Variants in COL5A2 observed in about 807,000 individuals in gnomAD.
COL5A2 encodes the protein collagen type V alpha 2 chain.
In COL5A2, 23 loss-of-function variants were observed where a neutral mutation model predicts 208.2. That is an observed-to-expected ratio of 0.11 (90% CI 0.08 to 0.16). The LOEUF (loss-of-function observed/expected upper bound fraction) is 0.16. Ranked by LOEUF, COL5A2 falls within the 10% of genes least tolerant of loss-of-function variation. The pLI is 1.00. For missense variants in COL5A2, 1,590 were observed against 1,956.4 expected, an observed-to-expected ratio of 0.81 and a Z score of 3.53; for synonymous variants, 625 against 628.5, an observed-to-expected ratio of 0.99 and a Z score of 0.08.
intron 1 of COL5A2, among the ~76,000 whole-genome samples, chr2:189,217,592 C>T (rs1689295455): frequency 6.6e-6 from 1 of 152,068 alleles, no homozygotes; most frequent in African/African-American, 2.4e-5. Context: ...AGAAATGCTC[C>T]TACCCATTTT....
chr2:189,327,503 T>C, the COL5A2 span, among the ~76,000 whole-genome samples: 3 of 152,066 alleles, frequency 2.0e-5, no homozygotes, highest in Non-Finnish European at 4.4e-5. Context: ...CTTAGGTAAC[T>C]GAAGAAGAAT....
At chr2:189,240,255 G>A in the COL5A2 span, among the ~76,000 whole-genome samples, 25 of 152,264 alleles carry the variant, frequency 1.6e-4, no homozygotes, top group Middle Eastern at 3.4e-3. Flanking sequence ...TGGCTGGGAA[G>A]ATGAAGATCA....
At chr2:189,247,364 A>T in the COL5A2 span, among the ~76,000 whole-genome samples, 1 of 152,124 alleles carries the variant, frequency 6.6e-6, no homozygotes, top group Non-Finnish European at 1.5e-5. Context: ...TCCCCAAAAG[A>T]AGCCCTGTGG....
the COL5A2 span, among the ~76,000 whole-genome samples, chr2:189,409,331 C>T: frequency 2.5e-4 from 38 of 150,920 alleles, no homozygotes; most frequent in African/African-American, 9.0e-4. Flanking sequence ...TCCAACTCAG[C>T]CTCCTGAGTA....
At chr2:189,379,266 G>A in the COL5A2 span, among the ~76,000 whole-genome samples, 2 of 152,204 alleles carry the variant, frequency 1.3e-5, no homozygotes, top group African/African-American at 2.4e-5. Context: ...AAAAAATGAG[G>A]AGTAAATGAT....
In COL5A2 at chr2:189,048,256, C is replaced by A. The variant is rs773078129; in HGVS notation, c.3154G>T (p.Ala1052Ser). 3 of 1,613,816 alleles carry A rather than the reference C, an allele frequency of 1.9e-6. No homozygotes were observed. The highest frequency in any genetic ancestry group is 2.7e-5 in the African/African-American group (2 of 74,922). ...CGTCCTGGGGTACCATCATTGCCAGCTGGACCCTATAAAGAATAATGGTTT... is the reference window on the plus strand; with the variant it reads ...CGTCCTGGGGTACCATCATTGCCAGATGGACCCTATAAAGAATAATGGTTT... ...PVGEPGPEGP[A>S]GNDGTPGRDG... The change falls in exon 45 of 54, where the codon GCT (alanine) becomes TCT (serine). Residue 1052 changes from alanine (A) to serine (S), a missense_variant. By Grantham distance (99) the Ala-to-Ser change is moderately conservative. Coordinates refer to ENST00000374866, the MANE Select transcript of COL5A2 (RefSeq NM_000393.5).
At chr2:189,217,722 C>A (rs1052803061) in intron 1 of COL5A2, among the ~76,000 whole-genome samples, 2 of 152,126 alleles carry the variant, frequency 1.3e-5, no homozygotes, top group African/African-American at 2.4e-5. Context: ...GGCATCTCTA[C>A]GGGTGGTCCA....
At chr2:189,286,703 A>G in the COL5A2 span, among the ~76,000 whole-genome samples, 1 of 152,242 alleles carries the variant, frequency 6.6e-6, no homozygotes, top group African/African-American at 2.4e-5. Flanking sequence ...AATCCTTAAA[A>G]GAATTCTTCT....
Position 189,083,507 on chromosome 2 carries a change from A to G in COL5A2, c.852+477T>C, listed in dbSNP as rs982191032. Among the ~76,000 whole-genome samples the G allele has an allele frequency of 3.9e-5, 6 of 152,262 alleles. No homozygotes were observed. The South Asian group carries it at 1.2e-3, about 32-fold the overall frequency. On this transcript the variant is annotated intron_variant, in intron 12 of 53. Coordinates refer to ENST00000374866, the MANE Select transcript of COL5A2 (RefSeq NM_000393.5). ...GAGCAGCCAAAGAAGCATCCCATCC[A>G]TAATTTACTGTCTCTAGTTGATAAA...
At chr2:189,241,232 A>T in the COL5A2 span, among the ~76,000 whole-genome samples, 1 of 152,146 alleles carries the variant, frequency 6.6e-6, no homozygotes. Flanking sequence ...TTTTTTGTAA[A>T]CTTATTTTTC....
chr2:189,149,675 T>A (rs1688108229), intron 1 of COL5A2, among the ~76,000 whole-genome samples: 1 of 152,214 alleles, frequency 6.6e-6, no homozygotes, highest in Non-Finnish European at 1.5e-5. Flanking sequence ...AAACTATAAG[T>A]GAATTTTAAA....
At chr2:189,116,211 T>G (rs1687385667) in intron 1 of COL5A2, among the ~76,000 whole-genome samples, 1 of 152,176 alleles carries the variant, frequency 6.6e-6, no homozygotes, top group Non-Finnish European at 1.5e-5. Flanking sequence ...GAATGCCTTG[T>G]GGGACAAAGG....
the COL5A2 span, among the ~76,000 whole-genome samples, chr2:189,307,043 A>G: frequency 3.3e-5 from 5 of 152,228 alleles, no homozygotes; most frequent in Admixed American, 1.3e-4. Flanking sequence ...TAAAGAAAAT[A>G]CAAATTACTG....
At position 189,033,541 on chromosome 2, in the gene COL5A2, T is replaced by C. The variant is rs1685379416; in HGVS notation, c.*529A>G. 6.1e-6 allele frequency: 1 copy of C among 164,642 alleles called. No homozygotes were observed. Among genetic ancestry groups the C allele is most frequent in the South Asian group, 1.6e-4 (1 of 6,434 alleles). 10.2% of individuals were successfully genotyped at this position (164,642 alleles called of 1,614,324 possible). A position where few individuals can be genotyped will look rare whatever the true frequency, so the allele number is the denominator to read the frequency against. ...ATTATAGTTACACAATATCAAGACATGCATGTAGGTCTCGATCACAAGTTA... is the reference window on the plus strand; with the variant it reads ...ATTATAGTTACACAATATCAAGACACGCATGTAGGTCTCGATCACAAGTTA... On this transcript the variant is annotated 3_prime_UTR_variant, in exon 54 of 54. Transcript: ENST00000374866.
chr2:189,250,937 T>C, the COL5A2 span, among the ~76,000 whole-genome samples: 8,247 of 152,194 alleles, frequency 0.054, 304 homozygotes, highest in Non-Finnish European at 0.084. Context: ...AAAGGAATCA[T>C]GATGTGAATT....
chr2:189,032,859 T>A lies in COL5A2; in HGVS notation c.*1211A>T, dbSNP rs1035102883. ...AACCATCTTTATTTTTAAGGAATTT[T>A]ATAGGAAGAATTTTAGCACCATCAT... On this transcript the variant is annotated 3_prime_UTR_variant, in exon 54 of 54. Transcript: ENST00000374866. 6.6e-6 allele frequency: 1 copy of A among 152,626 alleles called. No homozygotes were observed. Among genetic ancestry groups the A allele is most frequent in the Admixed American group, 6.5e-5 (1 of 15,268 alleles). The allele number at this position is 152,626 out of a possible 1,614,324, so 9.5% of individuals were successfully genotyped here.
the COL5A2 span, among the ~76,000 whole-genome samples, chr2:189,337,252 G>A: frequency 2.0e-5 from 3 of 147,254 alleles, no homozygotes; most frequent in African/African-American, 5.0e-5. Flanking sequence ...GCGGGATCTC[G>A]GCTCACTGCA....
the COL5A2 span, among the ~76,000 whole-genome samples, chr2:189,248,171 C>A: frequency 6.6e-6 from 1 of 152,108 alleles, no homozygotes; most frequent in African/African-American, 2.4e-5. Flanking sequence ...TTGATAATAG[C>A]AATGTGCTTT....
At chr2:189,133,786 G>T (rs1238485942) in intron 1 of COL5A2, among the ~76,000 whole-genome samples, 15 of 152,126 alleles carry the variant, frequency 9.9e-5, no homozygotes, top group Admixed American at 9.8e-4. Context: ...GTTAATGACA[G>T]AATCAGAGGA....
Sources: gnomAD v4.1 joint callset for allele counts (sites outside exome capture counted in the v4.1 genomes callset) on GRCh38, gnomAD v4.1.1 for gene constraint, MANE v1.5 for transcripts, NCBI Gene and HGNC (gene_info 2026-07-23, HGNC 2026-07-21) for gene names.